GNAQ: variants seen among roughly 807,000 people sequenced by gnomAD.
GNAQ encodes the protein G protein subunit alpha q, also known as guanine nucleotide-binding protein G(q) subunit alpha.
In GNAQ, 8 loss-of-function variants were observed where a neutral mutation model predicts 43.9. The ratio of observed to expected loss-of-function variants is 0.18; its 90% CI spans 0.11 to 0.33. The LOEUF (loss-of-function observed/expected upper bound fraction) is 0.33. GNAQ is among the 10% of genes least tolerant of loss of function. The pLI is 1.00. For missense variants in GNAQ, 158 were observed against 450.8 expected (o/e 0.35, Z 5.88); for synonymous variants, 155 against 170.7 (o/e 0.91, Z 0.71).
At chr9:77,915,248 A>G (rs1301758717) in intron 2 of GNAQ, among the ~76,000 whole-genome samples, 1 of 152,196 alleles carries the variant, frequency 6.6e-6, no homozygotes, top group African/African-American at 2.4e-5. Context: ...TCCCATTTCA[A>G]TGACTGTCAC....
intron 1 of GNAQ, among the ~76,000 whole-genome samples, chr9:78,020,998 G>A (rs974207074): frequency 6.6e-5 from 10 of 150,752 alleles, no homozygotes; most frequent in African/African-American, 2.4e-4. Flanking sequence ...TCTTTCTTTG[G>A]CCACAGAGTC....
chr9:77,892,051 T>C (rs1346342959), intron 2 of GNAQ, among the ~76,000 whole-genome samples: 1 of 152,184 alleles, frequency 6.6e-6, no homozygotes, highest in East Asian at 1.9e-4. Context: ...TGTTTGTTTG[T>C]TTGCTAATAG....
chr9:77,944,239 A>G (rs1019713543), intron 1 of GNAQ, among the ~76,000 whole-genome samples: 2 of 151,976 alleles, frequency 1.3e-5, no homozygotes, highest in African/African-American at 4.8e-5. Context: ...TTTGAAAATA[A>G]ATTACTTTCA....
At chr9:77,976,009 C>A (rs913645189) in intron 1 of GNAQ, among the ~76,000 whole-genome samples, 1 of 152,156 alleles carries the variant, frequency 6.6e-6, no homozygotes, top group African/African-American at 2.4e-5. Flanking sequence ...TTTAAAGATA[C>A]TACAAGTGGT....
intron 1 of GNAQ, among the ~76,000 whole-genome samples, chr9:78,016,638 C>T (rs1460163095): frequency 6.6e-6 from 1 of 151,408 alleles, no homozygotes; most frequent in Non-Finnish European, 1.5e-5. Context: ...GCCAAGATCA[C>T]GCCACTGCAC....
chr9:78,027,462 C>T (rs1587468125), intron 1 of GNAQ, among the ~76,000 whole-genome samples: 3 of 152,076 alleles, frequency 2.0e-5, no homozygotes, highest in South Asian at 4.1e-4. Context: ...TTGCAGTGTA[C>T]AACAGGAAGA....
chr9:77,902,962 G>C (rs533342866), intron 2 of GNAQ, among the ~76,000 whole-genome samples: 30 of 152,226 alleles, frequency 2.0e-4, no homozygotes, highest in African/African-American at 5.3e-4. Context: ...TAGTATCACA[G>C]GGAACTTATA....
chr9:77,996,186 C>T (rs1450076557), intron 1 of GNAQ, among the ~76,000 whole-genome samples: 1 of 152,190 alleles, frequency 6.6e-6, no homozygotes, highest in East Asian at 1.9e-4. Context: ...AAATGCTTTG[C>T]TGTTCCCAGG....
At chr9:77,825,737 C>T (rs1379170569) in intron 2 of GNAQ, among the ~76,000 whole-genome samples, 3 of 152,024 alleles carry the variant, frequency 2.0e-5, no homozygotes, top group African/African-American at 7.2e-5. Context: ...TATTTTAATG[C>T]AGCTATTAAT....
At chr9:77,896,483 C>G (rs1281947451) in intron 2 of GNAQ, among the ~76,000 whole-genome samples, 1 of 152,168 alleles carries the variant, frequency 6.6e-6, no homozygotes, top group African/African-American at 2.4e-5. Context: ...TCATCCCTAC[C>G]TGCTTTAATA....
rs550135228 is a variant in GNAQ, at chr9:77,787,980, A to C, written c.735+6483T>G. Reference sequence around the variant, plus strand: ...GGGAGGCAGAGGCTGCAAGTGAGACAAGATCATGCCACCGCACTCCAGCCT... The same window carrying C: ...GGGAGGCAGAGGCTGCAAGTGAGACCAGATCATGCCACCGCACTCCAGCCT... On this transcript the variant is annotated intron_variant, in intron 5 of 6. Coordinates refer to ENST00000286548, the MANE Select transcript of GNAQ (RefSeq NM_002072.5). 7.2e-5 allele frequency among the ~76,000 whole-genome samples: 11 copies of C among 152,316 alleles called. 1 individual carries two copies. In the East Asian group the frequency reaches 1.2e-3, roughly 16 times the overall value.
intron 2 of GNAQ, among the ~76,000 whole-genome samples, chr9:77,915,523 A>G (rs761451582): frequency 1.3e-5 from 2 of 152,172 alleles, no homozygotes; most frequent in Non-Finnish European, 2.9e-5. Context: ...CAAAACTTTC[A>G]AAAACCATTT....
At chr9:77,755,219 T>C (rs1825882182) in intron 5 of GNAQ, among the ~76,000 whole-genome samples, 1 of 152,144 alleles carries the variant, frequency 6.6e-6, no homozygotes, top group Non-Finnish European at 1.5e-5. Flanking sequence ...ATGATGGCTA[T>C]TAGAGGCTGG....
At chr9:77,817,703 A>T (rs769326198) in intron 2 of GNAQ, among the ~76,000 whole-genome samples, 3 of 152,234 alleles carry the variant, frequency 2.0e-5, no homozygotes, top group Non-Finnish European at 4.4e-5. Flanking sequence ...GGGAGCACCC[A>T]GTACCACTGA....
At chr9:77,923,800 G>A (rs1829030949) in intron 1 of GNAQ, among the ~76,000 whole-genome samples, 1 of 151,942 alleles carries the variant, frequency 6.6e-6, no homozygotes, top group Non-Finnish European at 1.5e-5. Flanking sequence ...AGAAGAGAGA[G>A]GGAAAGGAAG....
rs865843548 is a variant in GNAQ at position 78,031,760 on chromosome 9, G to A, written c.-525C>T. Among the ~76,000 whole-genome samples, 923 of 147,724 alleles carry A rather than the reference G, an allele frequency of 6.2e-3. 10 individuals carry two copies. The highest frequency in any genetic ancestry group is 0.021 in the African/African-American group (849 of 40,900). On this transcript the variant is annotated 5_prime_UTR_variant, in exon 1 of 7. Coordinates refer to ENST00000286548, the MANE Select transcript of GNAQ (RefSeq NM_002072.5). ...CTCCCGGGCGCCCTCGGCCCTGTCCGCGCCCACCGCCCGGCTCGCGCGCAG... is the reference window on the plus strand; with the variant it reads ...CTCCCGGGCGCCCTCGGCCCTGTCCACGCCCACCGCCCGGCTCGCGCGCAG...
At chr9:77,955,936 G>A (rs750062815) in intron 1 of GNAQ, among the ~76,000 whole-genome samples, 4 of 152,182 alleles carry the variant, frequency 2.6e-5, no homozygotes, top group South Asian at 2.1e-4. Context: ...TTTCTCTTCC[G>A]ATGGCAATTC....
At chr9:77,930,332 C>T (rs1191964780) in intron 1 of GNAQ, among the ~76,000 whole-genome samples, 2 of 152,060 alleles carry the variant, frequency 1.3e-5, no homozygotes, top group African/African-American at 4.8e-5. Context: ...ATGAACTTGC[C>T]CTTTCATTTT....
intron 2 of GNAQ, among the ~76,000 whole-genome samples, chr9:77,863,179 AAAGG>A (rs750178023): frequency 0.034 from 4,407 of 130,078 alleles, 233 homozygotes; most frequent in African/African-American, 0.12. Context: ...CGTATGAAAG[AAAGG>A]AAGGAAGGAA....
Sources: gnomAD v4.1 joint callset for allele counts (sites outside exome capture counted in the v4.1 genomes callset) on GRCh38, gnomAD v4.1.1 for gene constraint, MANE v1.5 for transcripts, NCBI Gene and HGNC (gene_info 2026-07-23, HGNC 2026-07-21) for gene names.